Variants in DCAF13 observed in about 807,000 individuals in gnomAD.
DCAF13 encodes DDB1 and CUL4 associated factor 13.
In DCAF13, 38 loss-of-function variants were observed where a neutral mutation model predicts 59.0. The observed-to-expected ratio is 0.64, with a 90% CI of 0.50 to 0.84. The LOEUF is 0.84. Ranked by LOEUF, DCAF13 falls within the 40% of genes least tolerant of loss-of-function variation. The pLI is 0.00. For missense variants in DCAF13, 469 were observed against 558.4 expected, an observed-to-expected ratio of 0.84 and a Z score of 1.61; for synonymous variants, 173 against 175.0, an observed-to-expected ratio of 0.99 and a Z score of 0.09.
At chr8:103,430,578 G>T in intron 5 of DCAF13, 34 bp from the exon 6 acceptor site, 1 of 1,505,268 alleles carries the variant, frequency 6.6e-7, no homozygotes. Flanking sequence ...GCCAGGTCTG[G>T]CTTTGAACTG....
chr8:103,420,469 T>C lies in DCAF13; in HGVS notation c.270+6T>C. On this transcript the variant is annotated splice_donor_region_variant and intron_variant, in intron 2 of 10. Transcript: ENST00000612750. Reference sequence around the variant, plus strand: ...CTGGGGCGTGTGATGGAGAGGCAAGTGTCAATCTAGATGATATTTTCAACT... The same window carrying C: ...CTGGGGCGTGTGATGGAGAGGCAAGCGTCAATCTAGATGATATTTTCAACT... 3 of 1,611,262 alleles carry C rather than the reference T, an allele frequency of 1.9e-6. No homozygotes were observed. The South Asian group carries it at 3.3e-5, about 18-fold the overall frequency.
Position 103,435,858 on chromosome 8 carries a change from T to G in DCAF13, c.950+68T>G. On this transcript the variant is annotated intron_variant, in intron 8 of 10. Coordinates refer to ENST00000612750, the MANE Select transcript of DCAF13 (RefSeq NM_015420.7). The stretch of plus-strand genomic sequence containing the variant: ...AACAATGGGGATGCATTCTGAGAAA[T>G]GAGTCATTGGGCGATTTCATCATTG... 3 of 1,508,084 alleles carry G rather than the reference T, an allele frequency of 2.0e-6. No individual in the cohort carries two copies. The South Asian group carries it at 3.4e-5, about 17-fold the overall frequency. 93.4% of individuals were successfully genotyped at this position (1,508,084 alleles called of 1,614,324 possible). A position where few individuals can be genotyped will look rare whatever the true frequency, so the allele number is the denominator to read the frequency against.
chr8:103,429,751 C>G (rs1366846611), intron 5 of DCAF13: 2 of 152,172 alleles, frequency 1.3e-5, no homozygotes, highest in Non-Finnish European at 2.9e-5. Flanking sequence ...TACTGTCATA[C>G]AGATATTTTA....
intron 6 of DCAF13, among the ~76,000 whole-genome samples, chr8:103,431,356 A>G (rs1816862606): frequency 6.6e-6 from 1 of 152,234 alleles, no homozygotes; most frequent in South Asian, 2.1e-4. Context: ...ATTTTGAGTG[A>G]CAGAAAGGGC....
Position 103,442,816 on chromosome 8 carries a change from C to T in DCAF13, c.1272C>T (p.His424=), listed in dbSNP as rs533096761. The T allele has an allele frequency of 6.2e-6, 10 of 1,604,744 alleles. No individual in the cohort carries two copies. The South Asian group carries it at 8.9e-5, about 14-fold the overall frequency. Residue 424 remains histidine, a synonymous_variant, in exon 11 of 11, where the codon CAC becomes CAT. Transcript: ENST00000612750. The part of the protein sequence containing the change: ...RRRKEVNRIK[H]SKPGSVPLVS... ...CTAGGGAAGTGAATCGTATTAAACA[C>T]AGCAAGCCTGGATCTGTGCCACTTG...
At position 103,426,149 on chromosome 8, in the gene DCAF13, C is replaced by T; in HGVS notation, c.468+4C>T. On this transcript the variant is annotated splice_donor_region_variant and intron_variant, in intron 4 of 10. Coordinates refer to ENST00000612750, the MANE Select transcript of DCAF13 (RefSeq NM_015420.7). ...ATTACATACAATATTAGGAAAGGTA[C>T]AAAAGTAAATTGACTAATAGCTTGC... 6.3e-7 allele frequency: 1 copy of T among 1,584,390 alleles called. No homozygotes were observed. Among genetic ancestry groups the T allele is most frequent in the Non-Finnish European group, 8.6e-7 (1 of 1,157,598 alleles).
chr8:103,425,749 T>A (rs2130482337), intron 3 of DCAF13, among the ~76,000 whole-genome samples: 1 of 152,240 alleles, frequency 6.6e-6, no homozygotes, highest in Middle Eastern at 3.4e-3. Flanking sequence ...TATAATACCA[T>A]TTTTTATAAT....
chr8:103,438,421 A>T lies in DCAF13; in HGVS notation c.951-1715A>T, dbSNP rs867898206. Among the ~76,000 whole-genome samples, 553 of 140,746 alleles carry T rather than the reference A, an allele frequency of 3.9e-3. 2 individuals carry two copies. The highest frequency in any genetic ancestry group is 0.014 in the African/African-American group (528 of 38,382). 92.3% of individuals were successfully genotyped at this position (140,746 alleles called of 152,430 possible). The stretch of plus-strand genomic sequence containing the variant: ...CCAGTTTTGTGAGTATAGTCGAGAG[A>T]TTTTTTTTTTTTTTTTTGAGACAGA... On this transcript the variant is annotated intron_variant, in intron 8 of 10. Transcript: ENST00000612750.
intron 3 of DCAF13, among the ~76,000 whole-genome samples, chr8:103,424,744 T>A (rs1816767601): frequency 6.6e-6 from 1 of 152,134 alleles, no homozygotes; most frequent in South Asian, 2.1e-4. Flanking sequence ...AGGGACACAG[T>A]TTATCCTGTA....
rs1816591359 is a variant in DCAF13 at position 103,415,401 on chromosome 8, ACTCCT to A, written c.-45_-41del. 2.5e-6 allele frequency: 4 copies of A among 1,613,896 alleles called. No individual in the cohort carries two copies. Among genetic ancestry groups the A allele is most frequent in the Non-Finnish European group, 3.4e-6 (4 of 1,180,010 alleles). ...GTGGGAGGAGGTGGCGGTGGGCGGAACTCCTAGCGGACACCTCGTGGAGTCCGGCC... is the reference window on the plus strand; with the variant it reads ...GTGGGAGGAGGTGGCGGTGGGCGGAAAGCGGACACCTCGTGGAGTCCGGCC... On this transcript the variant is annotated 5_prime_UTR_variant, in exon 1 of 11. Transcript: ENST00000612750.
chr8:103,421,261 C>A, intron 3 of DCAF13, 179 bp downstream of exon 3: 3 of 671,552 alleles, frequency 4.5e-6, no homozygotes, highest in Non-Finnish European at 8.2e-6. Context: ...CAGCCTTCCC[C>A]ATAACTTAAC....
At position 103,427,259 on chromosome 8, in the gene DCAF13, T is replaced by C. The variant is rs757991333; in HGVS notation, c.624+7T>C. 6 of 1,570,806 alleles carry C rather than the reference T, an allele frequency of 3.8e-6. No homozygotes were observed. Among genetic ancestry groups the C allele is most frequent in the Non-Finnish European group, 5.2e-6 (6 of 1,146,802 alleles). On this transcript the variant is annotated splice_region_variant and intron_variant, in intron 5 of 10. Coordinates refer to ENST00000612750, the MANE Select transcript of DCAF13 (RefSeq NM_015420.7). ...TAAATTTAACCCAATTGAGGTAATG[T>C]TTTTTTTTAAGTATGTTTTACTTAT... is the stretch of plus-strand genomic sequence containing the variant.
chr8:103,422,612 T>C (rs1282419501), intron 3 of DCAF13, among the ~76,000 whole-genome samples: 1 of 152,136 alleles, frequency 6.6e-6, no homozygotes, highest in Non-Finnish European at 1.5e-5. Flanking sequence ...ATGTAAAAAA[T>C]AGAAAATTAA....
At chr8:103,418,885 T>A (rs1175458072) in intron 1 of DCAF13, among the ~76,000 whole-genome samples, 842 of 59,862 alleles carry the variant, frequency 0.014, 45 homozygotes, top group East Asian at 0.036. Context: ...TTTTTTTTTT[T>A]TTTTTTTTTT....
intron 1 of DCAF13, among the ~76,000 whole-genome samples, chr8:103,418,339 G>A (rs886651708): frequency 6.6e-6 from 1 of 151,528 alleles, no homozygotes; most frequent in African/African-American, 2.4e-5. Flanking sequence ...GGCATCATAA[G>A]GAGACCCCCG....
intron 3 of DCAF13, among the ~76,000 whole-genome samples, chr8:103,421,466 G>T (rs1484905081): frequency 5.9e-5 from 9 of 152,134 alleles, no homozygotes; most frequent in Admixed American, 5.9e-4. Flanking sequence ...TTTACTCTCT[G>T]TTTTTAAATA....
intron 2 of DCAF13, 29 bp from the exon 3 acceptor site, chr8:103,420,946 C>T: frequency 7.2e-7 from 1 of 1,389,836 alleles, no homozygotes; most frequent in South Asian, 1.2e-5. Context: ...TTATAGTTCA[C>T]TGAAATTTCC....
At chr8:103,423,260 C>T (rs1252144266) in intron 3 of DCAF13, among the ~76,000 whole-genome samples, 2 of 151,672 alleles carry the variant, frequency 1.3e-5, no homozygotes, top group African/African-American at 4.9e-5. Context: ...GGCTCATTTG[C>T]AGCATTATTC....
chr8:103,430,061 T>A (rs1217645514), intron 5 of DCAF13: 5 of 152,154 alleles, frequency 3.3e-5, no homozygotes, highest in Admixed American at 1.3e-4. Context: ...TATGTTTTAT[T>A]ACAAATTAGA....
Sources: gnomAD v4.1 joint callset for allele counts (sites outside exome capture counted in the v4.1 genomes callset) on GRCh38, gnomAD v4.1.1 for gene constraint, MANE v1.5 for transcripts, NCBI Gene and HGNC (gene_info 2026-07-23, HGNC 2026-07-21) for gene names.